BTD: variants seen among roughly 807,000 people sequenced by gnomAD.
BTD encodes the protein biotinidase, also known as biocytinase.
Under a neutral mutation model 17.7 loss-of-function variants are expected in BTD, and 13 were observed. The ratio of observed to expected loss-of-function variants is 0.74; its 90% CI spans 0.48 to 1.17. The LOEUF (loss-of-function observed/expected upper bound fraction) is 1.17. Among genes scored for constraint, BTD ranks in the 50% most tolerant of loss-of-function variants. The probability of loss-of-function intolerance (pLI) is 0.00; values close to 1 mark genes in which losing one functional copy is unlikely to be tolerated. For synonymous variants in BTD, 240 were observed against 245.2 expected, an observed-to-expected ratio of 0.98 and a Z score of 0.20; for missense variants, 674 against 650.4, an observed-to-expected ratio of 1.04 and a Z score of -0.39.
chr3:15,719,742 T>G (rs879863007), intron 4 of BTD, among the ~76,000 whole-genome samples: 91 of 152,086 alleles, frequency 6.0e-4, no homozygotes, highest in African/African-American at 2.1e-3. Flanking sequence ...TTGGTAGAGA[T>G]AGAGGTCTTG....
chr3:15,626,789 AAAAAAAG>A (rs1373814094), intron 1 of BTD, among the ~76,000 whole-genome samples: 4 of 150,424 alleles, frequency 2.7e-5, no homozygotes, highest in South Asian at 4.2e-4. Context: ...TCAAAAAAAA[AAAAAAAG>A]AAAAGAAAAG....
At chr3:15,657,933 C>T (rs1260566377), downstream of BTD, among the ~76,000 whole-genome samples, 3 of 151,960 alleles carry the variant, frequency 2.0e-5, no homozygotes, top group East Asian at 3.9e-4. Context: ...TTTGGGAGGC[C>T]GAGGTGGGCG....
chr3:15,662,441 T>G (rs1222524954), intron 3 of BTD, among the ~76,000 whole-genome samples: 1 of 152,236 alleles, frequency 6.6e-6, no homozygotes, highest in African/African-American at 2.4e-5. Context: ...GTAATTGATT[T>G]TTGTATATGA....
chr3:15,628,352 T>G (rs1457897106), intron 1 of BTD, among the ~76,000 whole-genome samples: 2 of 152,256 alleles, frequency 1.3e-5, no homozygotes, highest in African/African-American at 4.8e-5. Flanking sequence ...ATCATACATT[T>G]AATAATCACA....
chr3:15,622,726 A>G (rs1421087408), intron 1 of BTD, among the ~76,000 whole-genome samples: 1 of 88,080 alleles, frequency 1.1e-5, no homozygotes, highest in Non-Finnish European at 2.2e-5. Context: ...ATGTATTTTG[A>G]TGTTCCATTG....
chr3:15,714,786 T>A, downstream of BTD: 1 of 554,774 alleles, frequency 1.8e-6, no homozygotes, highest in South Asian at 5.5e-5. Flanking sequence ...AACTGAGGCC[T>A]ATGGAGGTAA....
chr3:15,702,461 G>A (rs1332266236), intron 3 of BTD, among the ~76,000 whole-genome samples: 1 of 152,076 alleles, frequency 6.6e-6, no homozygotes, highest in African/African-American at 2.4e-5. Context: ...TCTGTCCTCT[G>A]AAATAAAATA....
At chr3:15,684,902 T>C in intron 3 of BTD, 1 of 255,694 alleles carries the variant, frequency 3.9e-6, no homozygotes, top group Non-Finnish European at 7.6e-6. Flanking sequence ...GGTGGGAGGA[T>C]CACTTGATGC....
intron 3 of BTD, among the ~76,000 whole-genome samples, chr3:15,706,251 C>G (rs952562477): frequency 6.6e-5 from 10 of 151,966 alleles, no homozygotes; most frequent in Non-Finnish European, 1.5e-4. Flanking sequence ...CCTCCCCACC[C>G]CATGACAGGC....
In BTD at chr3:15,664,147, A is replaced by G. The variant is rs543947009; in HGVS notation, c.399+22090A>G. Among the ~76,000 whole-genome samples, 5 of 152,228 alleles carry G rather than the reference A, an allele frequency of 3.3e-5. No homozygotes were observed. In the East Asian group the frequency reaches 7.7e-4, roughly 24 times the overall value. ...GATGTTCACTAGATCCAGCTGGTTG[A>G]TGGTGTTAAGCACAACTATGTCCTT... On this transcript the variant is annotated intron_variant, in intron 3 of 3. Coordinates refer to the BTD transcript ENST00000672141.
intron 1 of BTD, among the ~76,000 whole-genome samples, chr3:15,602,550 A>T (rs1042138509): frequency 6.6e-6 from 1 of 152,186 alleles, no homozygotes; most frequent in African/African-American, 2.4e-5. Flanking sequence ...CAATAAACAT[A>T]AAATTTCCAA....
At chr3:15,636,500 C>T (rs1286213742) in intron 2 of BTD, among the ~76,000 whole-genome samples, 1 of 152,180 alleles carries the variant, frequency 6.6e-6, no homozygotes, top group African/African-American at 2.4e-5. Context: ...CTGGAAAACA[C>T]AAACCCGAAG....
chr3:15,681,670 A>G (rs2067560912), intron 3 of BTD, among the ~76,000 whole-genome samples: 1 of 152,316 alleles, frequency 6.6e-6, no homozygotes, highest in East Asian at 1.9e-4. Context: ...ATTGTGGAAA[A>G]GTAATTTTTA....
intron 1 of BTD, among the ~76,000 whole-genome samples, chr3:15,612,212 A>T (rs1198666378): frequency 6.6e-6 from 1 of 152,184 alleles, no homozygotes; most frequent in Admixed American, 6.5e-5. Flanking sequence ...TTTATTTTAC[A>T]TTCAAGGCTC....
rs12493340 is a variant in BTD at position 15,625,624 on chromosome 3, C to T, written c.-16-9800C>T. On this transcript the variant is annotated intron_variant, in intron 1 of 3. Transcript: ENST00000643237. ...AGGCTGGAGTGCAGTGGTGCGATCT[C>T]GGCTCACTGCAATCTCCACCTCCCG... Among the ~76,000 whole-genome samples, 1,058 of 152,234 alleles carry T rather than the reference C, an allele frequency of 6.9e-3. 6 individuals carry two copies. The highest frequency in any genetic ancestry group is 0.011 in the Non-Finnish European group (769 of 68,018).
At chr3:15,689,680 T>G (rs2068562058) in intron 3 of BTD, among the ~76,000 whole-genome samples, 1 of 152,158 alleles carries the variant, frequency 6.6e-6, no homozygotes, top group African/African-American at 2.4e-5. Context: ...ATAAATCTAT[T>G]TTTATTTCCT....
chr3:15,721,309 T>G (rs536592191), intron 4 of BTD, among the ~76,000 whole-genome samples: 21 of 152,348 alleles, frequency 1.4e-4, no homozygotes, highest in African/African-American at 4.6e-4. Context: ...TTGACAAGCA[T>G]TTTGGTATTA....
In BTD at chr3:15,601,975, A is replaced by C. The variant is rs115287362; in HGVS notation, c.-17+81A>C. 3.7e-3 allele frequency: 5,913 copies of C among 1,584,716 alleles called. 177 individuals are homozygous for C. The African/African-American group carries it at 0.069, about 18-fold the overall frequency. On this transcript the variant is annotated intron_variant, in intron 1 of 3. Transcript: ENST00000643237. Reference sequence around the variant, plus strand: ...GACCCCGCCCCGGGCGCCCAGTTGGACTTGGGGAGGGCTGCGCAAAGGCTG... The same window carrying C: ...GACCCCGCCCCGGGCGCCCAGTTGGCCTTGGGGAGGGCTGCGCAAAGGCTG...
Position 15,679,512 on chromosome 3 carries a change from G to A in BTD, c.400-30548G>A, listed in dbSNP as rs116650555. ...CAATGGACTAAAAGCATTTCCTTCC[G>A]TTTTCTGGAAAACTTCCTGTTCTAA... On this transcript the variant is annotated intron_variant, in intron 3 of 3. Coordinates refer to the BTD transcript ENST00000672141. 1,000 of 1,613,670 alleles carry A rather than the reference G, an allele frequency of 6.2e-4. 2 individuals are homozygous for A. The African/African-American group carries it at 0.011, about 18-fold the overall frequency.
Sources: allele counts gnomAD v4.1 joint callset (sites outside exome capture counted in the v4.1 genomes callset), GRCh38; gene constraint gnomAD v4.1.1; transcripts MANE v1.5; gene names NCBI Gene and HGNC (gene_info 2026-07-23, HGNC 2026-07-21).